Variants in HDAC9 observed in about 807,000 individuals in gnomAD.
HDAC9 encodes histone deacetylase 9, also known as MEF-2 interacting transcription repressor (MITR) protein.
In HDAC9, 41 loss-of-function variants were observed where a neutral mutation model predicts 139.4. The ratio of observed to expected loss-of-function variants is 0.29; its 90% CI spans 0.23 to 0.38. The LOEUF (loss-of-function observed/expected upper bound fraction) is 0.38, where lower values mean the gene tolerates loss of function less well. HDAC9 is among the 10% of genes least tolerant of loss of function. The probability of loss-of-function intolerance (pLI) is 1.00; values close to 1 mark genes in which losing one functional copy is unlikely to be tolerated. For synonymous variants in HDAC9, 517 were observed against 476.2 expected (o/e 1.09, Z -1.12); for missense variants, 1,147 against 1,297.0 (o/e 0.88, Z 1.78).
intron 2 of HDAC9, among the ~76,000 whole-genome samples, chr7:18,267,629 T>C (rs1228309582): frequency 1.3e-5 from 2 of 152,152 alleles, no homozygotes; most frequent in Admixed American, 1.3e-4. Flanking sequence ...GGATTTCCTT[T>C]TATTTGTTAA....
At chr7:18,349,987 G>A (rs950040311) in intron 1 of HDAC9, among the ~76,000 whole-genome samples, 1 of 151,926 alleles carries the variant, frequency 6.6e-6, no homozygotes, top group African/African-American at 2.4e-5. Context: ...TGCCAGTTCT[G>A]GCCATCATTC....
At chr7:18,121,716 A>G (rs1161272026) in intron 1 of HDAC9, among the ~76,000 whole-genome samples, 2 of 152,198 alleles carry the variant, frequency 1.3e-5, no homozygotes, top group Non-Finnish European at 2.9e-5. Flanking sequence ...ATTTCAAAGC[A>G]TCAGGAACAC....
At chr7:18,109,907 T>C (rs2128081785) in intron 1 of HDAC9, among the ~76,000 whole-genome samples, 2 of 152,330 alleles carry the variant, frequency 1.3e-5, no homozygotes, top group Middle Eastern at 6.8e-3. Context: ...CATCAATCAT[T>C]GTATGGTGCT....
intron 6 of HDAC9, among the ~76,000 whole-genome samples, chr7:18,608,786 G>A (rs1033498171): frequency 1.3e-5 from 2 of 152,060 alleles, no homozygotes; most frequent in African/African-American, 4.8e-5. Flanking sequence ...AAGTAAAAAA[G>A]GATTTCTGAC....
At chr7:18,830,570 C>G (rs565693965) in intron 19 of HDAC9, among the ~76,000 whole-genome samples, 21 of 152,196 alleles carry the variant, frequency 1.4e-4, no homozygotes, top group Admixed American at 9.8e-4. Flanking sequence ...AGCAGGCACA[C>G]CAAAGGGTTG....
chr7:18,637,368 A>G (rs147001621), intron 8 of HDAC9, among the ~76,000 whole-genome samples: 9 of 152,220 alleles, frequency 5.9e-5, no homozygotes, highest in African/African-American at 1.9e-4. Flanking sequence ...AGTAAATAAA[A>G]GATTTTGCTT....
intron 17 of HDAC9, among the ~76,000 whole-genome samples, chr7:18,803,247 T>G (rs1472989544): frequency 6.6e-6 from 1 of 152,066 alleles, no homozygotes; most frequent in Non-Finnish European, 1.5e-5. Context: ...GAACTTTATG[T>G]TTTCTTTCTA....
At chr7:18,287,218 T>A (rs1220320859), upstream of HDAC9, among the ~76,000 whole-genome samples, 1 of 152,154 alleles carries the variant, frequency 6.6e-6, no homozygotes. Context: ...TTTTTTTTAC[T>A]GCAAAGCCTT....
chr7:18,187,631 C>A (rs1562725072), intron 2 of HDAC9, among the ~76,000 whole-genome samples: 1 of 152,188 alleles, frequency 6.6e-6, no homozygotes, highest in Non-Finnish European at 1.5e-5. Context: ...CTTATTACTC[C>A]TTGCTGCTAC....
chr7:18,614,226 C>G (rs1372340112), intron 6 of HDAC9, among the ~76,000 whole-genome samples: 1 of 152,146 alleles, frequency 6.6e-6, no homozygotes, highest in Non-Finnish European at 1.5e-5. Context: ...TCATAGACTT[C>G]AGGCTAACAT....
rs141647198 is a variant in HDAC9, at chr7:18,942,473, A to C, written c.2937+6531A>C. Among the ~76,000 whole-genome samples the C allele has an allele frequency of 1.2e-3, 187 of 152,154 alleles. 1 individual carries two copies. The highest frequency in any genetic ancestry group is 4.4e-3 in the African/African-American group (181 of 41,552). ...TCATAAGGAATTAGAATTTCTGTGA[A>C]AAAATATGGAAGCTTTGAATAAATG... On this transcript the variant is annotated intron_variant, in intron 23 of 25. Coordinates refer to ENST00000686413, the MANE Select transcript of HDAC9 (RefSeq NM_178425.4).
At chr7:18,537,612 T>C (rs1251892668) in intron 2 of HDAC9, among the ~76,000 whole-genome samples, 4 of 151,834 alleles carry the variant, frequency 2.6e-5, no homozygotes, top group Non-Finnish European at 5.9e-5. Context: ...AAAACAATAA[T>C]TTAGTGGAAA....
chr7:18,256,905 T>C (rs1174924222), intron 2 of HDAC9, among the ~76,000 whole-genome samples: 1 of 151,310 alleles, frequency 6.6e-6, no homozygotes, highest in African/African-American at 2.4e-5. Context: ...CTGGGCAACA[T>C]AGTAAGGCCA....
rs1347349958 is a variant in HDAC9 at position 18,810,737 on chromosome 7, A to G, written c.2322+17285A>G. Among the ~76,000 whole-genome samples, 6 of 151,840 alleles carry G rather than the reference A, an allele frequency of 4.0e-5. No individual in the cohort carries two copies. The East Asian group carries it at 1.2e-3, about 29-fold the overall frequency. ...TTTTCATCATAATCTATTTGTTCCT[A>G]TTATAGAACTTTATATAAATGGCAG... On this transcript the variant is annotated intron_variant, in intron 17 of 25. Coordinates refer to ENST00000686413, the MANE Select transcript of HDAC9 (RefSeq NM_178425.4).
intron 2 of HDAC9, among the ~76,000 whole-genome samples, chr7:18,237,947 G>A (rs976517450): frequency 6.6e-6 from 1 of 152,286 alleles, no homozygotes; most frequent in African/African-American, 2.4e-5. Context: ...AATGTCAATG[G>A]CCATAAATCT....
intron 23 of HDAC9, among the ~76,000 whole-genome samples, chr7:18,946,413 G>A (rs994877648): frequency 2.6e-5 from 4 of 151,994 alleles, no homozygotes; most frequent in African/African-American, 9.7e-5. Flanking sequence ...GCTCTTTGAA[G>A]GGAAGCTTTC....
At chr7:18,774,291 C>A (rs556378833) in intron 16 of HDAC9, among the ~76,000 whole-genome samples, 3 of 151,790 alleles carry the variant, frequency 2.0e-5, no homozygotes, top group Non-Finnish European at 4.4e-5. Context: ...CTAATATATT[C>A]GATATTTTTA....
chr7:18,708,083 C>A (rs1231280995), intron 12 of HDAC9, among the ~76,000 whole-genome samples: 2 of 152,030 alleles, frequency 1.3e-5, no homozygotes, highest in African/African-American at 2.4e-5. Context: ...GGAGAGACAT[C>A]GCTTCAACTG....
chr7:18,882,147 A>G (rs1322446063), intron 22 of HDAC9, among the ~76,000 whole-genome samples: 1 of 152,130 alleles, frequency 6.6e-6, no homozygotes, highest in African/African-American at 2.4e-5. Context: ...AGTAAGTCAG[A>G]TGATTTCTTC....
Sources: gnomAD v4.1 joint callset for allele counts (sites outside exome capture counted in the v4.1 genomes callset) on GRCh38, gnomAD v4.1.1 for gene constraint, MANE v1.5 for transcripts, NCBI Gene and HGNC (gene_info 2026-07-23, HGNC 2026-07-21) for gene names.